DIXDC1: variants seen among roughly 807,000 people sequenced by gnomAD.
DIXDC1 encodes the protein DIX domain containing 1.
Under a neutral mutation model 103.1 loss-of-function variants are expected in DIXDC1, and 64 were observed. The observed-to-expected ratio is 0.62, with a 90% CI of 0.51 to 0.76. The LOEUF is 0.76. Among genes scored for constraint, DIXDC1 ranks in the 30% least tolerant of loss-of-function variants. The probability of loss-of-function intolerance (pLI) is 0.00; values close to 1 mark genes in which losing one functional copy is unlikely to be tolerated. For missense variants in DIXDC1, 759 were observed against 834.2 expected (o/e 0.91, Z 1.11); for synonymous variants, 266 against 298.5 (o/e 0.89, Z 1.12).
rs1396658843 is a variant in DIXDC1, at chr11:111,949,932, CG to C, written c.60+12374del. On this transcript the variant is annotated intron_variant, in intron 1 of 19. Coordinates refer to ENST00000440460, the MANE Select transcript of DIXDC1 (RefSeq NM_001037954.4). ...TGCATAAATAGCTTTTTTTTTTAAA[CG>C]TTTCTCTCTTGTAGCAGCAATCACT... 2.6e-5 allele frequency among the ~76,000 whole-genome samples: 4 copies of C among 151,980 alleles called. No individual in the cohort carries two copies. In the Middle Eastern group the frequency reaches 0.01, roughly 388 times the overall value.
chr11:111,968,627 C>A lies in DIXDC1; in HGVS notation c.305C>A (p.Thr102Asn). The A allele has an allele frequency of 6.2e-7, 1 of 1,608,986 alleles. No individual in the cohort carries two copies. ...TCTAAAAAGATTCGTATGCACCAGA[C>A]TTCGGCTAAAGGTCAGTGCCTCATC... ...VASKKIRMHQ[T>N]SAKDIVDGNL... Residue 102 changes from threonine (T) to asparagine (N), a missense_variant, in exon 3 of 20, where the codon ACT becomes AAT. By Grantham distance (65) the Thr-to-Asn change is moderately conservative. This residue lies in a region of DIXDC1 where 657 missense variants were observed against 727.5 expected (regional missense o/e 0.90). Transcript: ENST00000440460.
chr11:111,933,691 CAAAAAAAAA>C (rs34415537), upstream of DIXDC1, among the ~76,000 whole-genome samples: 933 of 111,782 alleles, frequency 8.3e-3, 11 homozygotes, highest in African/African-American at 0.03. Context: ...CTCTCTCTCT[CAAAAAAAAA>C]AAAAAAAAAA....
At position 111,959,537 on chromosome 11, in the gene DIXDC1, C is replaced by T. The variant is rs1056632387; in HGVS notation, c.61-5012C>T. Among the ~76,000 whole-genome samples the T allele has an allele frequency of 2.9e-4, 44 of 152,236 alleles. 1 individual carries two copies. The highest frequency in any genetic ancestry group is 2.9e-3 in the Admixed American group (44 of 15,278). ...CTTGATCACACACCCCTTGCCACTCCACTTGCCCTTAGCAGGCACGGGATC... is the reference window on the plus strand; with the variant it reads ...CTTGATCACACACCCCTTGCCACTCTACTTGCCCTTAGCAGGCACGGGATC... On this transcript the variant is annotated intron_variant, in intron 1 of 19. Transcript: ENST00000440460.
At chr11:111,964,907 A>C (rs892029191) in intron 2 of DIXDC1, among the ~76,000 whole-genome samples, 4 of 152,222 alleles carry the variant, frequency 2.6e-5, no homozygotes. Context: ...AGAATAGTCC[A>C]TGCTCTCAAG....
rs1966245595 is a variant in DIXDC1 at position 111,937,452 on chromosome 11, G to A, written c.-48G>A. ...GCAGAGGGAGGAGGAGGAGGCGGCG[G>A]CGGCCGCCGGGCTGGAGACCCCGCC... On this transcript the variant is annotated 5_prime_UTR_variant, in exon 1 of 20. Transcript: ENST00000440460. The A allele has an allele frequency of 1.9e-6, 3 of 1,551,848 alleles. No individual in the cohort carries two copies. Among genetic ancestry groups the A allele is most frequent in the South Asian group, 1.2e-5 (1 of 83,920 alleles).
rs1359744575 is a variant in DIXDC1 at position 111,937,432 on chromosome 11, G to GGGA, written c.-56_-54dup. ...TGAGCCGAGAGCCTTTGTGTGCAGA[G>GGGA]GGAGGAGGAGGAGGCGGCGGCGGCC... On this transcript the variant is annotated 5_prime_UTR_variant, in exon 1 of 20. Coordinates refer to ENST00000440460, the MANE Select transcript of DIXDC1 (RefSeq NM_001037954.4). 7 of 1,544,862 alleles carry GGGA rather than the reference G, an allele frequency of 4.5e-6. No individual in the cohort carries two copies. The East Asian group carries it at 7.3e-5, about 16-fold the overall frequency.
chr11:112,022,210 A>G lies in DIXDC1; in HGVS notation c.*3174A>G, dbSNP rs1592643671. 6.6e-6 allele frequency: 1 copy of G among 152,310 alleles called. No homozygotes were observed. Among genetic ancestry groups the G allele is most frequent in the Admixed American group, 6.5e-5 (1 of 15,296 alleles). 9.4% of individuals were successfully genotyped at this position (152,310 alleles called of 1,614,324 possible). ...AAAATATCTTTATACTATACATCCA[A>G]TTCAAGAGGACTTTAATTACTTAAA... On this transcript the variant is annotated 3_prime_UTR_variant, in exon 20 of 20. Coordinates refer to ENST00000440460, the MANE Select transcript of DIXDC1 (RefSeq NM_001037954.4). The surrounding 1 kb of genome is among the most constrained non-coding windows in gnomAD (Gnocchi z 4.9).
At chr11:112,014,755 GAATA>G (rs1471983541) in intron 17 of DIXDC1, among the ~76,000 whole-genome samples, 2 of 152,136 alleles carry the variant, frequency 1.3e-5, no homozygotes, top group East Asian at 3.8e-4. Flanking sequence ...TTGAATGAAT[GAATA>G]AATTAAATAT....
At chr11:112,010,989 A>G (rs1566578418) in intron 17 of DIXDC1, among the ~76,000 whole-genome samples, 1 of 152,248 alleles carries the variant, frequency 6.6e-6, no homozygotes, top group Non-Finnish European at 1.5e-5. Flanking sequence ...GCACAGCAAA[A>G]GAAACTATCA....
rs1859449834 is a variant in DIXDC1, at chr11:111,958,154, C to T, written c.61-6395C>T. 6.6e-6 allele frequency among the ~76,000 whole-genome samples: 1 copy of T among 150,666 alleles called. No individual in the cohort carries two copies. Among genetic ancestry groups the T allele is most frequent in the African/African-American group, 2.4e-5 (1 of 40,928 alleles). ...AGCCCTAGCTGTGGACCCAGGCATC[C>T]CTGTGCTCTTGTGGGCCAGAAGCAG... On this transcript the variant is annotated intron_variant, in intron 1 of 19. Transcript: ENST00000440460. This position sits in a 1 kb window ranked among gnomAD's most constrained non-coding sequence, Gnocchi z 4.2.
In DIXDC1 at chr11:111,930,844, CTTT is replaced by C. The variant is rs1221204642; in HGVS notation, c.57+935_57+937del. Among the ~76,000 whole-genome samples the C allele has an allele frequency of 7.7e-3, 1,037 of 134,134 alleles. 1 individual carries two copies. The highest frequency in any genetic ancestry group is 0.036 in the Middle Eastern group (9 of 248). 88.0% of individuals were successfully genotyped at this position (134,134 alleles called of 152,430 possible). A position where few individuals can be genotyped will look rare whatever the true frequency, so the allele number is the denominator to read the frequency against. On this transcript the variant is annotated intron_variant, in intron 2 of 5. Transcript: ENST00000529225. Reference sequence around the variant, plus strand: ...GAGACCCTCCTTTCTTTCTTTCTTTCTTTCCTTTTTTTTTTTTTTTTTTTTTGA... The same window carrying C: ...GAGACCCTCCTTTCTTTCTTTCTTTCCCTTTTTTTTTTTTTTTTTTTTTGA...
chr11:111,994,910 CA>C, intron 14 of DIXDC1, 108 bp from the exon 15 acceptor site: 3 of 1,031,530 alleles, frequency 2.9e-6, no homozygotes, highest in Non-Finnish European at 4.3e-6. Flanking sequence ...ATTAAACAGA[CA>C]ATTATATACT....
At chr11:111,940,283 C>A (rs1401796546) in intron 1 of DIXDC1, among the ~76,000 whole-genome samples, 1 of 152,218 alleles carries the variant, frequency 6.6e-6, no homozygotes, top group Non-Finnish European at 1.5e-5. Flanking sequence ...CGGAATTGAT[C>A]CTTGTCAGTG....
At chr11:112,000,694 T>TA (rs1213037054) in intron 17 of DIXDC1, among the ~76,000 whole-genome samples, 253 of 118,098 alleles carry the variant, frequency 2.1e-3, no homozygotes, top group Non-Finnish European at 2.3e-3. Flanking sequence ...AGATTCTGTC[T>TA]AAAAAAAAAA....
At chr11:112,016,252 G>T (rs1187894124) in intron 17 of DIXDC1, 1 of 153,212 alleles carries the variant, frequency 6.5e-6, no homozygotes, top group African/African-American at 2.4e-5. Context: ...AGTTTCTAAG[G>T]TTGCTTTGCT....
In DIXDC1 at chr11:111,964,697, C is replaced by CT. The variant is rs782630190; in HGVS notation, c.190+20dup. The CT allele has an allele frequency of 6.3e-6, 10 of 1,587,810 alleles. No individual in the cohort carries two copies. The Middle Eastern group carries it at 5.1e-4, about 81-fold the overall frequency. On this transcript the variant is annotated intron_variant, in intron 2 of 19. Coordinates refer to ENST00000440460, the MANE Select transcript of DIXDC1 (RefSeq NM_001037954.4). Reference sequence around the variant, plus strand: ...ATTGTTGGTCAGTTGGCCCTGGACTCTGATACTAGAGTACATAGATCAGAA... The same window carrying CT: ...ATTGTTGGTCAGTTGGCCCTGGACTCTTGATACTAGAGTACATAGATCAGAA...
chr11:111,965,591 T>TA (rs1859702128), intron 2 of DIXDC1, among the ~76,000 whole-genome samples: 1 of 152,208 alleles, frequency 6.6e-6, no homozygotes, highest in South Asian at 2.1e-4. Flanking sequence ...ATGATGGTAA[T>TA]AATGGCAACG....
At position 111,993,671 on chromosome 11, in the gene DIXDC1, G is replaced by T; in HGVS notation, c.1368G>T (p.Val456=). The change falls in exon 14 of 20, where the codon GTG becomes GTT. Residue 456 remains valine (V), a splice_region_variant and synonymous_variant. Transcript: ENST00000440460. ...RKLSDVSYHQ[V]DLERELEHKD... is the part of the protein sequence containing the mutation. The stretch of plus-strand genomic sequence containing the variant: ...CTGATTTAGTGTCTATTTTGCAGGT[G>T]GATCTAGAGCGAGAGCTAGAACACA... The T allele has an allele frequency of 6.2e-7, 1 of 1,614,008 alleles. No homozygotes were observed. Among genetic ancestry groups the T allele is most frequent in the Non-Finnish European group, 8.5e-7 (1 of 1,179,888 alleles).
At chr11:111,937,302 C>A (rs1966237529), upstream of DIXDC1, 3 of 1,336,390 alleles carry the variant, frequency 2.2e-6, no homozygotes, top group Non-Finnish European at 2.9e-6. Flanking sequence ...CGGGCCCCTC[C>A]AGCGGAGGCC....
Sources: allele counts gnomAD v4.1 joint callset (sites outside exome capture counted in the v4.1 genomes callset), GRCh38; gene constraint gnomAD v4.1.1; regional missense constraint gnomAD v4.1.1; non-coding constraint Gnocchi (gnomAD v3.1); transcripts MANE v1.5; gene names NCBI Gene and HGNC (gene_info 2026-07-23, HGNC 2026-07-21).